LRRIQ3: variants seen among roughly 807,000 people sequenced by gnomAD.
LRRIQ3 encodes leucine-rich repeat and IQ domain-containing protein 3.
In LRRIQ3, 75 loss-of-function variants were observed where a neutral mutation model predicts 59.3. The observed-to-expected ratio is 1.26, with a 90% CI of 1.05 to 1.53. The LOEUF is 1.53. LRRIQ3 is among the 40% of genes most tolerant of loss of function. The probability of loss-of-function intolerance (pLI) is 0.00; values close to 1 mark genes in which losing one functional copy is unlikely to be tolerated. For missense variants in LRRIQ3, 831 were observed against 710.0 expected, an observed-to-expected ratio of 1.17 and a Z score of -1.94; for synonymous variants, 250 against 231.3, an observed-to-expected ratio of 1.08 and a Z score of -0.73.
At chr1:74,113,122 C>T (rs912038415) in intron 4 of LRRIQ3, among the ~76,000 whole-genome samples, 4 of 151,802 alleles carry the variant, frequency 2.6e-5, no homozygotes, top group African/African-American at 9.7e-5. Context: ...CAAATAAAGA[C>T]TATCAGTGAA....
rs116645280 is a variant in LRRIQ3, at chr1:74,129,270, G to T, written c.708-19717C>A. Among the ~76,000 whole-genome samples the T allele has an allele frequency of 8.7e-3, 1,316 of 151,958 alleles. 26 individuals carry two copies. The highest frequency in any genetic ancestry group is 0.031 in the African/African-American group (1,268 of 41,478). On this transcript the variant is annotated intron_variant, in intron 4 of 7. Coordinates refer to ENST00000354431, the MANE Select transcript of LRRIQ3 (RefSeq NM_001105659.2). ...CAGCACCTTGAGTCAGTTACTTTAG[G>T]AATCTACCTGTCACCCAAGCCACAA...
intron 3 of LRRIQ3, among the ~76,000 whole-genome samples, chr1:74,169,226 A>C (rs1021676241): frequency 1.3e-5 from 2 of 152,138 alleles, no homozygotes; most frequent in Non-Finnish European, 2.9e-5. Context: ...TTTCAGGTCC[A>C]TCCATATTGT....
At chr1:74,061,774 C>T (rs958127562) in intron 6 of LRRIQ3, among the ~76,000 whole-genome samples, 3 of 152,140 alleles carry the variant, frequency 2.0e-5, no homozygotes, top group Admixed American at 1.3e-4. Flanking sequence ...GTGGCTTACA[C>T]TAGTAGTCTC....
At position 74,120,099 on chromosome 1, in the gene LRRIQ3, A is replaced by G. The variant is rs188345273; in HGVS notation, c.708-10546T>C. Among the ~76,000 whole-genome samples, 445 of 151,530 alleles carry G rather than the reference A, an allele frequency of 2.9e-3. 1 individual carries two copies. The highest frequency in any genetic ancestry group is 0.01 in the African/African-American group (419 of 41,378). ...TGATAAAAATTATTATTTTCTTCAC[A>G]TAGGATATTTATTTTTTGTATGTTG... On this transcript the variant is annotated intron_variant, in intron 4 of 7. Coordinates refer to ENST00000354431, the MANE Select transcript of LRRIQ3 (RefSeq NM_001105659.2).
intron 7 of LRRIQ3, among the ~76,000 whole-genome samples, chr1:74,037,011 T>C (rs1345363649): frequency 6.6e-6 from 1 of 152,242 alleles, no homozygotes; most frequent in African/African-American, 2.4e-5. Flanking sequence ...CATTGCTTCT[T>C]ATTCTAAATG....
intron 5 of LRRIQ3, among the ~76,000 whole-genome samples, chr1:74,106,670 A>G (rs539666993): frequency 1.3e-5 from 2 of 152,106 alleles, no homozygotes; most frequent in South Asian, 4.2e-4. Context: ...CCCTGAACAT[A>G]TATTTTGCTT....
At chr1:74,126,092 T>A (rs952771656) in intron 4 of LRRIQ3, among the ~76,000 whole-genome samples, 6 of 151,844 alleles carry the variant, frequency 4.0e-5, no homozygotes, top group Non-Finnish European at 8.8e-5. Flanking sequence ...AAGTTGTATG[T>A]GTATAAGGAT....
rs568079360 is a variant in LRRIQ3, at chr1:74,151,590, C to T, written c.707+4143G>A. Among the ~76,000 whole-genome samples the T allele has an allele frequency of 6.7e-5, 10 of 149,734 alleles. No individual in the cohort carries two copies. In the South Asian group the frequency reaches 2.1e-3, roughly 31 times the overall value. On this transcript the variant is annotated intron_variant, in intron 4 of 7. Coordinates refer to ENST00000354431, the MANE Select transcript of LRRIQ3 (RefSeq NM_001105659.2). ...AAAACAAATAGAACAGAAGCTAAATCCGGGGTGGGGGGGATGGGCATTAGT... is the reference window on the plus strand; with the variant it reads ...AAAACAAATAGAACAGAAGCTAAATTCGGGGTGGGGGGGATGGGCATTAGT...
At chr1:74,083,997 G>A (rs763377140) in intron 5 of LRRIQ3, 20 of 474,080 alleles carry the variant, frequency 4.2e-5, no homozygotes, top group Non-Finnish European at 7.1e-5. Flanking sequence ...GTTTTAAAGT[G>A]TTAATAAATG....
At chr1:74,161,856 A>G (rs1364549276) in intron 3 of LRRIQ3, among the ~76,000 whole-genome samples, 4 of 151,896 alleles carry the variant, frequency 2.6e-5, no homozygotes, top group Non-Finnish European at 5.9e-5. Context: ...AAGTAACAAT[A>G]AAGACCCTGC....
chr1:74,123,135 T>C (rs1227645431), intron 4 of LRRIQ3, among the ~76,000 whole-genome samples: 1 of 152,070 alleles, frequency 6.6e-6, no homozygotes. Context: ...CCATTCCAAC[T>C]TTTATTTACT....
At chr1:74,070,326 C>A (rs1654991582) in intron 6 of LRRIQ3, among the ~76,000 whole-genome samples, 1 of 151,904 alleles carries the variant, frequency 6.6e-6, no homozygotes, top group South Asian at 2.1e-4. Context: ...TTCTTTGCAG[C>A]AAGATGGATG....
chr1:74,160,470 T>G (rs563322536), intron 3 of LRRIQ3, among the ~76,000 whole-genome samples: 1 of 152,218 alleles, frequency 6.6e-6, no homozygotes, highest in Non-Finnish European at 1.5e-5. Flanking sequence ...CTCACAGAAT[T>G]TTTCCCAGTA....
intron 7 of LRRIQ3, among the ~76,000 whole-genome samples, chr1:74,038,048 C>T (rs1320171282): frequency 6.6e-6 from 1 of 152,186 alleles, no homozygotes; most frequent in Admixed American, 6.5e-5. Context: ...TGATAGCTGC[C>T]TAACACATTA....
intron 3 of LRRIQ3, among the ~76,000 whole-genome samples, chr1:74,162,127 C>G (rs1183431023): frequency 2.0e-5 from 3 of 151,762 alleles, no homozygotes; most frequent in South Asian, 4.1e-4. Context: ...AGGTTTTAAG[C>G]ATGCAAACAA....
At position 74,198,103 on chromosome 1, in the gene LRRIQ3, G is replaced by A. The variant is rs1208485157; in HGVS notation, c.-108C>T. ...ATCTGCTCCTGAGACCGTTGCTAGA[G>A]AAACAAGACAACATCCAAGTTCTCC... On this transcript the variant is annotated 5_prime_UTR_variant, in exon 1 of 8. Transcript: ENST00000354431. The A allele has an allele frequency of 1.5e-6, 2 of 1,345,982 alleles. No homozygotes were observed. The highest frequency in any genetic ancestry group is 2.5e-5 in the East Asian group (1 of 39,536). The allele number at this position is 1,345,982 out of a possible 1,614,324, so 83.4% of individuals were successfully genotyped here.
chr1:74,191,068 G>A (rs1650735409), intron 1 of LRRIQ3, among the ~76,000 whole-genome samples: 1 of 152,116 alleles, frequency 6.6e-6, no homozygotes, highest in Non-Finnish European at 1.5e-5. Flanking sequence ...CCAGTGTTGA[G>A]TGTGTCTTTA....
chr1:74,109,583 G>A (rs771997254), intron 4 of LRRIQ3, 30 bp from the exon 5 acceptor site: 11 of 1,521,844 alleles, frequency 7.2e-6, no homozygotes, highest in South Asian at 5.3e-5. Flanking sequence ...AAAACTATTT[G>A]TTAGTTTTTT....
intron 5 of LRRIQ3, among the ~76,000 whole-genome samples, chr1:74,089,162 GT>G (rs1456366515): frequency 6.6e-6 from 1 of 152,010 alleles, no homozygotes; most frequent in Non-Finnish European, 1.5e-5. Flanking sequence ...AAAATAACAA[GT>G]ATTGGTTGGG....
Sources: allele counts gnomAD v4.1 joint callset (sites outside exome capture counted in the v4.1 genomes callset), GRCh38; gene constraint gnomAD v4.1.1; transcripts MANE v1.5; gene names NCBI Gene and HGNC (gene_info 2026-07-23, HGNC 2026-07-21).